Variants in TSPAN5 observed in about 807,000 individuals in gnomAD.
TSPAN5 encodes tetraspanin-5.
In TSPAN5, 10 loss-of-function variants were observed where a neutral mutation model predicts 37.1. The ratio of observed to expected loss-of-function variants is 0.27; its 90% CI spans 0.17 to 0.46. The LOEUF (loss-of-function observed/expected upper bound fraction) is 0.46. Ranked by LOEUF, TSPAN5 falls within the 20% of genes least tolerant of loss-of-function variation. The pLI is 1.00. For missense variants in TSPAN5, 195 were observed against 326.6 expected, an observed-to-expected ratio of 0.60 and a Z score of 3.11; for synonymous variants, 110 against 118.9, an observed-to-expected ratio of 0.93 and a Z score of 0.48.
chr4:98,491,323 G>A (rs929930719), intron 2 of TSPAN5, among the ~76,000 whole-genome samples: 7 of 152,160 alleles, frequency 4.6e-5, no homozygotes, highest in African/African-American at 1.7e-4. Flanking sequence ...CTTGGGATTA[G>A]GGAAAATTAG....
rs142077287 is a variant in TSPAN5 at position 98,539,406 on chromosome 4, C to T, written c.82-31678G>A. 9.5e-4 allele frequency among the ~76,000 whole-genome samples: 145 copies of T among 152,202 alleles called. 1 individual carries two copies. The highest frequency in any genetic ancestry group is 1.6e-3 in the Non-Finnish European group (107 of 68,012). On this transcript the variant is annotated intron_variant, in intron 1 of 7. Transcript: ENST00000305798. ...CAAAACACAAATGTCAGGACCAAGG[C>T]GCATCCACATGCTTCTATCCACTCT...
chr4:98,482,317 G>C (rs1752857952), intron 3 of TSPAN5, 142 bp from the exon 4 acceptor site: 3 of 679,906 alleles, frequency 4.4e-6, no homozygotes, highest in Non-Finnish European at 2.4e-6. Context: ...AGTTTCTGCT[G>C]ATTCATTAAT....
chr4:98,651,122 G>A (rs1579056509), intron 1 of TSPAN5, among the ~76,000 whole-genome samples: 1 of 152,148 alleles, frequency 6.6e-6, no homozygotes, highest in East Asian at 1.9e-4. Context: ...TTGATCAAGT[G>A]ACCATCATCA....
At chr4:98,483,693 A>AGGCCC (rs1752897001) in intron 3 of TSPAN5, 1 of 152,324 alleles carries the variant, frequency 6.6e-6, no homozygotes, top group African/African-American at 2.4e-5. Flanking sequence ...TCCCAGGTTA[A>AGGCCC]GGCCCCAATT....
At chr4:98,573,770 G>A (rs771719696) in intron 1 of TSPAN5, among the ~76,000 whole-genome samples, 7 of 105,646 alleles carry the variant, frequency 6.6e-5, no homozygotes, top group Non-Finnish European at 9.9e-5. Flanking sequence ...GTTTGGTTTA[G>A]TTCATTTTTT....
At chr4:98,585,090 C>CTAGA (rs1043453836) in intron 1 of TSPAN5, among the ~76,000 whole-genome samples, 1 of 152,178 alleles carries the variant, frequency 6.6e-6, no homozygotes, top group African/African-American at 2.4e-5. Context: ...TGAAAGAGCA[C>CTAGA]TAGATCTGCA....
chr4:98,560,918 C>T (rs1039701269), intron 1 of TSPAN5, among the ~76,000 whole-genome samples: 1 of 152,142 alleles, frequency 6.6e-6, no homozygotes, highest in Non-Finnish European at 1.5e-5. Flanking sequence ...GTGTTCTAAG[C>T]AGAAGGAACT....
chr4:98,551,783 AGC>A (rs1295950365), intron 1 of TSPAN5, among the ~76,000 whole-genome samples: 2 of 151,920 alleles, frequency 1.3e-5, no homozygotes, highest in African/African-American at 4.8e-5. Context: ...TACAGGCATG[AGC>A]CACTGCACCT....
chr4:98,553,053 T>C (rs986911825), intron 1 of TSPAN5, among the ~76,000 whole-genome samples: 10 of 152,250 alleles, frequency 6.6e-5, no homozygotes, highest in African/African-American at 2.2e-4. Context: ...ACCTCCATGA[T>C]GCTAGCCAAC....
chr4:98,574,706 A>T lies in TSPAN5; in HGVS notation c.82-66978T>A, dbSNP rs746663996. On this transcript the variant is annotated intron_variant, in intron 1 of 7. Transcript: ENST00000305798. ...TTCAACTTTTCTAAATGGGAATGCC[A>T]TCTCCTCACCCTTATTCAGGGTAGC... 3.3e-5 allele frequency: 5 copies of T among 152,330 alleles called. No homozygotes were observed. The East Asian group carries it at 5.8e-4, about 18-fold the overall frequency. The allele number at this position is 152,330 out of a possible 1,614,324, so 9.4% of individuals were successfully genotyped here.
chr4:98,582,183 T>C (rs1054721929), intron 1 of TSPAN5, among the ~76,000 whole-genome samples: 1 of 152,254 alleles, frequency 6.6e-6, no homozygotes, highest in Admixed American at 6.5e-5. Flanking sequence ...ATTGCGGTTC[T>C]CTTGTCCAGC....
intron 1 of TSPAN5, among the ~76,000 whole-genome samples, chr4:98,594,275 T>C (rs1755715783): frequency 8.1e-6 from 1 of 124,014 alleles, no homozygotes; most frequent in Non-Finnish European, 1.6e-5. Context: ...CTTGTGATTT[T>C]TGTACATTGA....
At chr4:98,559,534 G>C (rs935318837) in intron 1 of TSPAN5, among the ~76,000 whole-genome samples, 2 of 152,084 alleles carry the variant, frequency 1.3e-5, no homozygotes, top group African/African-American at 4.8e-5. Context: ...CTATTTTCTT[G>C]AACACTATTT....
chr4:98,579,449 C>G (rs1458254279), intron 1 of TSPAN5, among the ~76,000 whole-genome samples: 2 of 152,158 alleles, frequency 1.3e-5, no homozygotes, highest in Admixed American at 6.6e-5. Flanking sequence ...TGCAACTGTA[C>G]AGGAAGGATT....
At chr4:98,553,166 T>C (rs1354757878) in intron 1 of TSPAN5, among the ~76,000 whole-genome samples, 1 of 152,232 alleles carries the variant, frequency 6.6e-6, no homozygotes, top group Non-Finnish European at 1.5e-5. Flanking sequence ...TAGCAAAACA[T>C]TGTTAGATAA....
At chr4:98,544,397 C>CTGTGTGTGTGTGTGTG (rs1363666850) in intron 1 of TSPAN5, among the ~76,000 whole-genome samples, 3 of 152,256 alleles carry the variant, frequency 2.0e-5, no homozygotes, top group African/African-American at 7.2e-5. Context: ...ACCATTTCAT[C>CTGTGTGTGTGTGTGTG]TGTGTGTCTG....
chr4:98,486,420 A>G (rs899369370), intron 3 of TSPAN5: 2 of 223,250 alleles, frequency 9.0e-6, no homozygotes, highest in African/African-American at 2.3e-5. Context: ...GTGGGAAGGA[A>G]TCACTTAGAA....
At chr4:98,495,807 C>T (rs1274552832) in intron 2 of TSPAN5, among the ~76,000 whole-genome samples, 1 of 151,672 alleles carries the variant, frequency 6.6e-6, no homozygotes, top group Non-Finnish European at 1.5e-5. Context: ...CCTCTGTGTG[C>T]CACCTGGCAA....
chr4:98,611,199 C>A (rs1456294867), intron 1 of TSPAN5, among the ~76,000 whole-genome samples: 3 of 152,208 alleles, frequency 2.0e-5, no homozygotes, highest in African/African-American at 7.2e-5. Flanking sequence ...GATTAGTCCA[C>A]ACCTTAACAT....
Sources: gnomAD v4.1 joint callset for allele counts (sites outside exome capture counted in the v4.1 genomes callset) on GRCh38, gnomAD v4.1.1 for gene constraint, MANE v1.5 for transcripts, NCBI Gene and HGNC (gene_info 2026-07-23, HGNC 2026-07-21) for gene names.